Variants in NAALADL2 observed in about 807,000 individuals in gnomAD.
NAALADL2 encodes N-acetylated alpha-linked acidic dipeptidase like 2.
A neutral mutation model predicts 87.2 loss-of-function variants in NAALADL2; 76 were observed. The observed-to-expected ratio is 0.87, with a 90% confidence interval of 0.72 to 1.05. The LOEUF is 1.05. NAALADL2 is among the 50% of genes least tolerant of loss of function. The probability of loss-of-function intolerance (pLI) is 0.00; values close to 1 mark genes in which losing one functional copy is unlikely to be tolerated. For missense variants in NAALADL2, 1,089 were observed against 945.8 expected, an observed-to-expected ratio of 1.15 and a Z score of -1.99; for synonymous variants, 354 against 331.0, an observed-to-expected ratio of 1.07 and a Z score of -0.75.
intron 1 of NAALADL2, among the ~76,000 whole-genome samples, chr3:174,883,738 C>T (rs1729717506): frequency 6.6e-6 from 1 of 152,192 alleles, no homozygotes; most frequent in African/African-American, 2.4e-5. Context: ...CCTTTGCCTT[C>T]AGCAAGCACC....
At chr3:175,647,028 CTT>C (rs927960549) in intron 11 of NAALADL2, among the ~76,000 whole-genome samples, 5 of 152,122 alleles carry the variant, frequency 3.3e-5, no homozygotes, top group African/African-American at 1.2e-4. Context: ...TGAACACACT[CTT>C]TACCAGATCC....
At chr3:174,685,341 C>T (rs1422468512) in intron 2 of NAALADL2, among the ~76,000 whole-genome samples, 2 of 152,106 alleles carry the variant, frequency 1.3e-5, no homozygotes, top group African/African-American at 4.8e-5. Context: ...CCACAATCTA[C>T]AAGCAATCTG....
chr3:174,522,924 ACT>A (rs1302752435), intron 1 of NAALADL2, among the ~76,000 whole-genome samples: 1 of 123,922 alleles, frequency 8.1e-6, no homozygotes, highest in East Asian at 2.6e-4. Context: ...AAAGAGCGAG[ACT>A]CTGTCTCAAA....
At chr3:174,712,787 ATTTC>A (rs1730784416) in intron 2 of NAALADL2, among the ~76,000 whole-genome samples, 1 of 151,648 alleles carries the variant, frequency 6.6e-6, no homozygotes, top group Non-Finnish European at 1.5e-5. Flanking sequence ...ATTTTGGTGT[ATTTC>A]TTTCTTTATA....
intron 1 of NAALADL2, among the ~76,000 whole-genome samples, chr3:174,938,537 A>G (rs778802787): frequency 1.1e-4 from 16 of 152,072 alleles, no homozygotes; most frequent in Admixed American, 3.3e-4. Context: ...CTGGGTATAC[A>G]CCCAATAATG....
chr3:175,294,837 AG>A (rs1396692983), intron 4 of NAALADL2, among the ~76,000 whole-genome samples: 1 of 152,092 alleles, frequency 6.6e-6, no homozygotes, highest in Non-Finnish European at 1.5e-5. Flanking sequence ...TATTCGGGAG[AG>A]TTAATTATTA....
At chr3:174,680,336 G>T (rs1170859421) in intron 2 of NAALADL2, among the ~76,000 whole-genome samples, 2 of 152,166 alleles carry the variant, frequency 1.3e-5, no homozygotes, top group African/African-American at 2.4e-5. Context: ...TCTCATCGAT[G>T]TTGAGTGCTC....
At chr3:175,321,331 G>A (rs201262388) in intron 4 of NAALADL2, among the ~76,000 whole-genome samples, 21,964 of 107,104 alleles carry the variant, frequency 0.21, 2,319 homozygotes, top group African/African-American at 0.27. Context: ...TTGATGGGAC[G>A]TATCTCAAAA....
At chr3:174,925,338 C>T (rs969752731) in intron 1 of NAALADL2, among the ~76,000 whole-genome samples, 4 of 152,120 alleles carry the variant, frequency 2.6e-5, no homozygotes, top group African/African-American at 9.7e-5. Context: ...ATCCTTTCCC[C>T]ATTTCTTGTT....
chr3:174,768,739 T>C (rs908984269), intron 3 of NAALADL2, among the ~76,000 whole-genome samples: 1 of 152,156 alleles, frequency 6.6e-6, no homozygotes, highest in Non-Finnish European at 1.5e-5. Context: ...AGTTTTTAAA[T>C]AGTTCTTTTA....
intron 1 of NAALADL2, among the ~76,000 whole-genome samples, chr3:174,463,018 A>G (rs575846992): frequency 6.6e-6 from 1 of 152,340 alleles, no homozygotes; most frequent in African/African-American, 2.4e-5. Flanking sequence ...AAGTAAAAGT[A>G]ATTGCATAGC....
intron 11 of NAALADL2, among the ~76,000 whole-genome samples, chr3:175,720,128 A>T (rs1368998816): frequency 6.6e-6 from 1 of 152,222 alleles, no homozygotes; most frequent in Non-Finnish European, 1.5e-5. Context: ...ATGTGCACAG[A>T]ACTATTCACA....
At chr3:174,503,288 G>A (rs1719014575) in intron 1 of NAALADL2, among the ~76,000 whole-genome samples, 1 of 152,134 alleles carries the variant, frequency 6.6e-6, no homozygotes. Flanking sequence ...ATTTACATAA[G>A]TCTTTTCCAG....
intron 2 of NAALADL2, among the ~76,000 whole-genome samples, chr3:175,214,837 C>A (rs1467357540): frequency 6.6e-6 from 1 of 152,084 alleles, no homozygotes; most frequent in African/African-American, 2.4e-5. Flanking sequence ...GGTCTGCAAT[C>A]CAGCAGTACA....
chr3:175,600,668 G>C (rs1483199436), intron 10 of NAALADL2, among the ~76,000 whole-genome samples: 2 of 150,308 alleles, frequency 1.3e-5, no homozygotes, highest in Non-Finnish European at 3.0e-5. Flanking sequence ...CTCCCGAGTA[G>C]CTGGGACTAC....
At chr3:175,582,891 C>A (rs1719983053) in intron 10 of NAALADL2, among the ~76,000 whole-genome samples, 1 of 152,166 alleles carries the variant, frequency 6.6e-6, no homozygotes, top group African/African-American at 2.4e-5. Context: ...TTCTGAAGCT[C>A]CTCACAGTAA....
At chr3:175,764,477 A>T (rs1314825443) in intron 13 of NAALADL2, among the ~76,000 whole-genome samples, 3 of 152,110 alleles carry the variant, frequency 2.0e-5, no homozygotes, top group Non-Finnish European at 4.4e-5. Context: ...AAATTATTTC[A>T]GAGATTGCCA....
chr3:175,331,539 A>G (rs1281117375), intron 5 of NAALADL2, among the ~76,000 whole-genome samples: 1 of 152,224 alleles, frequency 6.6e-6, no homozygotes, highest in Non-Finnish European at 1.5e-5. Context: ...AGATACAGAA[A>G]GCATTTGGTA....
chr3:174,932,788 T>A (rs1737113199), intron 1 of NAALADL2, among the ~76,000 whole-genome samples: 2 of 152,182 alleles, frequency 1.3e-5, no homozygotes, highest in South Asian at 4.1e-4. Context: ...AGATTACCTT[T>A]AGTGTAATAT....
Sources: allele counts gnomAD v4.1 joint callset (sites outside exome capture counted in the v4.1 genomes callset), GRCh38; gene constraint gnomAD v4.1.1; transcripts MANE v1.5; gene names NCBI Gene and HGNC (gene_info 2026-07-23, HGNC 2026-07-21).